Variants in SKAP2 observed in about 807,000 individuals in gnomAD.
The protein encoded by SKAP2 is src kinase-associated phosphoprotein 2.
Under a neutral mutation model 54.9 loss-of-function variants are expected in SKAP2, and 28 were observed. That is an observed-to-expected ratio of 0.51 (90% CI 0.38 to 0.70). SKAP2 has a LOEUF of 0.70. Ranked by LOEUF, SKAP2 falls within the 30% of genes least tolerant of loss-of-function variation. SKAP2 has a pLI of 0.00. For missense variants in SKAP2, 356 were observed against 424.1 expected (o/e 0.84, Z 1.41); for synonymous variants, 137 against 134.3 (o/e 1.02, Z -0.14).
chr7:26,781,640 G>A (rs1350453815), intron 4 of SKAP2, among the ~76,000 whole-genome samples: 4 of 152,124 alleles, frequency 2.6e-5, no homozygotes, highest in Admixed American at 6.6e-5. Context: ...GTGAATCAGC[G>A]CTAACTCCTA....
chr7:26,740,348 C>G (rs1369107421), intron 4 of SKAP2, among the ~76,000 whole-genome samples: 1 of 152,068 alleles, frequency 6.6e-6, no homozygotes, highest in Non-Finnish European at 1.5e-5. Context: ...TTGACTCTTT[C>G]CTGCATAATC....
downstream of SKAP2, among the ~76,000 whole-genome samples, chr7:26,666,410 G>A (rs568409935): frequency 2.2e-4 from 33 of 152,238 alleles, no homozygotes; most frequent in African/African-American, 7.2e-4. Context: ...TAAGTAGCAA[G>A]TAGTAGAGTG....
At chr7:26,713,210 A>G (rs1332261614) in intron 9 of SKAP2, among the ~76,000 whole-genome samples, 1 of 152,188 alleles carries the variant, frequency 6.6e-6, no homozygotes, top group Non-Finnish European at 1.5e-5. Context: ...GGCTTTTTGC[A>G]TTTATCCAAA....
intron 4 of SKAP2, among the ~76,000 whole-genome samples, chr7:26,778,730 G>T (rs919495966): frequency 1.3e-5 from 2 of 151,326 alleles, no homozygotes; most frequent in Non-Finnish European, 2.9e-5. Context: ...GTGTCTAAAA[G>T]AAATACATTT....
At chr7:26,864,253 T>C in intron 1 of SKAP2, 110 bp downstream of exon 1, 2 of 1,350,426 alleles carry the variant, frequency 1.5e-6, no homozygotes, top group Non-Finnish European at 2.1e-6. Flanking sequence ...CTAGAAGACG[T>C]GGGAAGCGCG....
intron 10 of SKAP2, among the ~76,000 whole-genome samples, chr7:26,689,738 G>T (rs1330480986): frequency 1.3e-5 from 2 of 152,178 alleles, no homozygotes; most frequent in African/African-American, 2.4e-5. Context: ...AAGTTTATCT[G>T]ATTTTTATCA....
intron 4 of SKAP2, among the ~76,000 whole-genome samples, chr7:26,790,375 C>T (rs1783649377): frequency 6.6e-6 from 1 of 152,286 alleles, no homozygotes; most frequent in Non-Finnish European, 1.5e-5. Flanking sequence ...AGCTACACAA[C>T]ATGAAATCAT....
chr7:26,781,879 T>C (rs538783370), intron 4 of SKAP2, among the ~76,000 whole-genome samples: 17 of 152,282 alleles, frequency 1.1e-4, no homozygotes, highest in East Asian at 9.6e-4. Context: ...CCTCACACTA[T>C]AGACACTCTT....
intron 4 of SKAP2, among the ~76,000 whole-genome samples, chr7:26,781,446 A>C (rs1370808574): frequency 6.6e-6 from 1 of 152,186 alleles, no homozygotes; most frequent in Non-Finnish European, 1.5e-5. Context: ...TGCAAATACC[A>C]ACCAGGGTGC....
At chr7:26,827,713 A>C (rs991831990) in intron 4 of SKAP2, among the ~76,000 whole-genome samples, 4 of 152,206 alleles carry the variant, frequency 2.6e-5, no homozygotes, top group Non-Finnish European at 4.4e-5. Context: ...TAACAACAAC[A>C]ACAAAAACAT....
intron 9 of SKAP2, among the ~76,000 whole-genome samples, chr7:26,704,384 C>T (rs1475873750): frequency 1.3e-5 from 2 of 152,096 alleles, no homozygotes; most frequent in Non-Finnish European, 2.9e-5. Flanking sequence ...TAGCCAGGAG[C>T]CTAAGAAGAT....
At chr7:26,703,072 T>C (rs182230991) in intron 9 of SKAP2, among the ~76,000 whole-genome samples, 13 of 152,348 alleles carry the variant, frequency 8.5e-5, no homozygotes, top group Admixed American at 3.3e-4. Flanking sequence ...TTCCAGCCCA[T>C]GCTGCTGGTC....
chr7:26,663,865 C>A (rs1017636272), downstream of SKAP2, among the ~76,000 whole-genome samples: 1 of 152,244 alleles, frequency 6.6e-6, no homozygotes, highest in South Asian at 2.1e-4. Context: ...TGGACTGGAA[C>A]GTCAAGTGTT....
At chr7:26,778,903 A>C (rs1158938139) in intron 4 of SKAP2, among the ~76,000 whole-genome samples, 1 of 151,952 alleles carries the variant, frequency 6.6e-6, no homozygotes, top group African/African-American at 2.4e-5. Context: ...CACTGTCAAC[A>C]TCAAAAGCAG....
chr7:26,694,590 C>T (rs1002338378), intron 9 of SKAP2, among the ~76,000 whole-genome samples: 2 of 148,996 alleles, frequency 1.3e-5, no homozygotes, highest in African/African-American at 4.9e-5. Flanking sequence ...TTCTGGTAGT[C>T]ATCAAAAGGT....
At chr7:26,812,198 A>C (rs908945653) in intron 4 of SKAP2, among the ~76,000 whole-genome samples, 9 of 152,178 alleles carry the variant, frequency 5.9e-5, no homozygotes, top group Non-Finnish European at 1.2e-4. Flanking sequence ...TTTGGGCTCT[A>C]GGTTGCCACT....
intron 6 of SKAP2, among the ~76,000 whole-genome samples, chr7:26,731,446 C>A (rs951470925): frequency 6.6e-5 from 10 of 152,144 alleles, no homozygotes; most frequent in Non-Finnish European, 1.3e-4. Flanking sequence ...AGCTATGATG[C>A]GTTGTTCTAA....
chr7:26,757,437 C>T (rs1486425377), intron 4 of SKAP2, among the ~76,000 whole-genome samples: 2 of 152,152 alleles, frequency 1.3e-5, no homozygotes, highest in Non-Finnish European at 2.9e-5. Context: ...GGAATCCTTT[C>T]CCCATTTCTT....
At chr7:26,670,451 T>C (rs1274372879) in intron 11 of SKAP2, among the ~76,000 whole-genome samples, 1 of 151,868 alleles carries the variant, frequency 6.6e-6, no homozygotes, top group Non-Finnish European at 1.5e-5. Flanking sequence ...ACCTAGAAAA[T>C]GAAACTACCT....
Sources: gnomAD v4.1 joint callset for allele counts (sites outside exome capture counted in the v4.1 genomes callset) on GRCh38, gnomAD v4.1.1 for gene constraint, MANE v1.5 for transcripts, NCBI Gene and HGNC (gene_info 2026-07-23, HGNC 2026-07-21) for gene names.